MAGI1: variants seen among roughly 807,000 people sequenced by gnomAD.
MAGI1 encodes the protein membrane associated guanylate kinase, WW and PDZ domain containing 1, also known as membrane-associated guanylate kinase, WW and PDZ domain-containing protein 1.
MAGI1 carries 58 observed loss-of-function variants against 139.9 expected under a neutral mutation model. The observed-to-expected ratio is 0.41, with a 90% CI of 0.34 to 0.52. The LOEUF (loss-of-function observed/expected upper bound fraction) is 0.52, where lower values mean the gene tolerates loss of function less well. MAGI1 is among the 20% of genes least tolerant of loss of function. The pLI is 0.12. For synonymous variants in MAGI1, 812 were observed against 737.9 expected (o/e 1.10, Z -1.63); for missense variants, 1,874 against 1,901.6 (o/e 0.99, Z 0.27).
chr3:65,390,196 G>A (rs1352506621), intron 14 of MAGI1, among the ~76,000 whole-genome samples: 2 of 152,116 alleles, frequency 1.3e-5, no homozygotes, highest in Non-Finnish European at 1.5e-5. Flanking sequence ...TTTGCAGCTA[G>A]GAATGAAACC....
intron 1 of MAGI1, among the ~76,000 whole-genome samples, chr3:65,988,876 G>C (rs572572748): frequency 6.6e-6 from 1 of 151,876 alleles, no homozygotes; most frequent in East Asian, 1.9e-4. Flanking sequence ...TTTATGCCCT[G>C]ATTCCCTGAA....
chr3:65,404,264 T>C (rs1945147952), intron 12 of MAGI1, among the ~76,000 whole-genome samples: 1 of 152,212 alleles, frequency 6.6e-6, no homozygotes, highest in East Asian at 1.9e-4. Context: ...AATGGCCCCT[T>C]CATTGTTAAC....
chr3:65,431,028 T>G, intron 10 of MAGI1, 147 bp from the exon 11 acceptor site: 1 of 748,428 alleles, frequency 1.3e-6, no homozygotes, highest in Non-Finnish European at 2.1e-6. Context: ...CCTCTCTTAA[T>G]TTGAGGAATA....
chr3:65,637,398 T>A lies in MAGI1; in HGVS notation c.314-15310A>T, dbSNP rs773965187. On this transcript the variant is annotated intron_variant, in intron 1 of 22. Transcript: ENST00000402939. ...CACAACCCTGTCTCTAAAAAAAATG[T>A]AAAAAATTAGCCAGGTATGGTGGTG... is the stretch of plus-strand genomic sequence containing the variant. Among the ~76,000 whole-genome samples, 10 of 151,668 alleles carry A rather than the reference T, an allele frequency of 6.6e-5. No homozygotes were observed. In the South Asian group the frequency reaches 1.0e-3, roughly 16 times the overall value.
chr3:65,487,554 C>G (rs535331380), intron 3 of MAGI1, among the ~76,000 whole-genome samples: 2 of 152,288 alleles, frequency 1.3e-5, no homozygotes, highest in South Asian at 4.1e-4. Context: ...TCTGAAGAAA[C>G]TAACTTTACT....
At chr3:65,628,586 C>CG (rs202163050) in intron 1 of MAGI1, among the ~76,000 whole-genome samples, 1 of 151,728 alleles carries the variant, frequency 6.6e-6, no homozygotes. Context: ...TCCAGACTCT[C>CG]GGGGAAAAAA....
chr3:65,371,961 C>T (rs775978707), intron 18 of MAGI1: 4 of 417,966 alleles, frequency 9.6e-6, no homozygotes, highest in South Asian at 7.0e-5. Flanking sequence ...CTCGAAACCC[C>T]TCAAAGTCAT....
At chr3:66,025,708 G>GTT (rs1314010411) in intron 1 of MAGI1, among the ~76,000 whole-genome samples, 4 of 152,134 alleles carry the variant, frequency 2.6e-5, no homozygotes, top group African/African-American at 9.7e-5. Context: ...ATGTGTGTGT[G>GTT]TCTGTGTGTG....
intron 1 of MAGI1, among the ~76,000 whole-genome samples, chr3:65,762,753 G>A (rs1460964753): frequency 6.6e-6 from 1 of 151,998 alleles, no homozygotes. Context: ...AGGTATTACT[G>A]TTTTTCCTGT....
chr3:65,710,264 CATTTCTT>C (rs2031163887), intron 1 of MAGI1, among the ~76,000 whole-genome samples: 1 of 127,716 alleles, frequency 7.8e-6, no homozygotes, highest in African/African-American at 2.9e-5. Flanking sequence ...ATTAACCTTA[CATTTCTT>C]TTTTTTTTTT....
intron 5 of MAGI1, chr3:65,470,062 T>C (rs1236376861): frequency 2.3e-5 from 8 of 355,196 alleles, no homozygotes; most frequent in Admixed American, 4.3e-5. Flanking sequence ...TCTAAACCTT[T>C]AGGGAAATGA....
At chr3:65,526,201 C>T (rs2078371176) in intron 2 of MAGI1, among the ~76,000 whole-genome samples, 2 of 152,180 alleles carry the variant, frequency 1.3e-5, no homozygotes, top group African/African-American at 4.8e-5. Context: ...TTTTTTCCTG[C>T]CCTCCTTGAT....
At chr3:65,478,950 G>A (rs7636096) in intron 3 of MAGI1, 152 bp from the exon 4 acceptor site, 640,278 of 640,308 alleles carry the variant, frequency 1, 320,124 homozygotes, top group Middle Eastern at 1. Context: ...TGGGTTAGAA[G>A]AGATATCTTT....
At chr3:65,698,900 T>G (rs1168807542) in intron 1 of MAGI1, among the ~76,000 whole-genome samples, 4 of 129,812 alleles carry the variant, frequency 3.1e-5, no homozygotes, top group Non-Finnish European at 6.5e-5. Flanking sequence ...CTAAAGAGCT[T>G]CTGCACAGCA....
chr3:66,033,972 G>A (rs1003519416), intron 1 of MAGI1, among the ~76,000 whole-genome samples: 3 of 152,186 alleles, frequency 2.0e-5, no homozygotes, highest in African/African-American at 7.2e-5. Context: ...TAGGCTCCAA[G>A]AATGTGACTG....
Position 65,822,334 on chromosome 3 carries a change from C to A in MAGI1, c.314-200246G>T, listed in dbSNP as rs139741738. Among the ~76,000 whole-genome samples, 412 of 152,224 alleles carry A rather than the reference C, an allele frequency of 2.7e-3. 1 individual carries two copies. The highest frequency in any genetic ancestry group is 4.8e-3 in the Non-Finnish European group (325 of 67,996). ...CTTGAGGTCAGAAGTTTGAGACCAG[C>A]CTGGCCAACATGGTGCAACCCCGTC... On this transcript the variant is annotated intron_variant, in intron 1 of 22. Coordinates refer to ENST00000402939, the MANE Select transcript of MAGI1 (RefSeq NM_001033057.2).
chr3:65,909,489 C>T (rs2061571291), intron 1 of MAGI1, among the ~76,000 whole-genome samples: 1 of 152,158 alleles, frequency 6.6e-6, no homozygotes, highest in African/African-American at 2.4e-5. Context: ...GAGCCGTGAT[C>T]ACACCACTGC....
intron 1 of MAGI1, among the ~76,000 whole-genome samples, chr3:66,006,724 A>G (rs1382483770): frequency 1.3e-5 from 2 of 152,218 alleles, no homozygotes; most frequent in Non-Finnish European, 2.9e-5. Context: ...ACACATAAAT[A>G]AAACAGGGGA....
At chr3:65,531,066 G>A (rs1356134112) in intron 2 of MAGI1, among the ~76,000 whole-genome samples, 3 of 151,560 alleles carry the variant, frequency 2.0e-5, no homozygotes, top group African/African-American at 7.3e-5. Flanking sequence ...CAAAGTGCCT[G>A]GCCCACAGAT....
Sources: gnomAD v4.1 joint callset for allele counts (sites outside exome capture counted in the v4.1 genomes callset) on GRCh38, gnomAD v4.1.1 for gene constraint, MANE v1.5 for transcripts, NCBI Gene and HGNC (gene_info 2026-07-23, HGNC 2026-07-21) for gene names.